The following R3HDM1 variants were observed in gnomAD, a reference collection of about 807,000 sequenced individuals.
R3HDM1 encodes the protein R3H domain containing 1.
Under a neutral mutation model 141.1 loss-of-function variants are expected in R3HDM1, and 46 were observed. That is an observed-to-expected ratio of 0.33 (90% CI 0.26 to 0.42). R3HDM1 has a LOEUF of 0.42. Ranked by LOEUF, R3HDM1 falls within the 10% of genes least tolerant of loss-of-function variation. R3HDM1 has a pLI of 1.00. For synonymous variants in R3HDM1, 435 were observed against 472.9 expected (o/e 0.92, Z 1.04); for missense variants, 1,184 against 1,368.3 (o/e 0.87, Z 2.12).
At chr2:135,680,658 T>C (rs2070126126) in intron 21 of R3HDM1, among the ~76,000 whole-genome samples, 1 of 152,188 alleles carries the variant, frequency 6.6e-6, no homozygotes, top group Non-Finnish European at 1.5e-5. Flanking sequence ...TGATCGCAAC[T>C]GCTCGGGAGG....
intron 19 of R3HDM1, among the ~76,000 whole-genome samples, chr2:135,670,694 A>G (rs1455758453): frequency 6.6e-6 from 1 of 152,130 alleles, no homozygotes; most frequent in Admixed American, 6.5e-5. Context: ...ATTTTTTTCC[A>G]AATTTTCTAC....
intron 1 of R3HDM1, chr2:135,566,709 G>C: frequency 1.0e-6 from 1 of 984,138 alleles, no homozygotes; most frequent in African/African-American, 1.7e-5. Context: ...TTCAGATTAA[G>C]GTTTGTTAGT....
intron 1 of R3HDM1, among the ~76,000 whole-genome samples, chr2:135,583,023 TTCTC>T (rs770142514): frequency 1.3e-5 from 2 of 152,190 alleles, no homozygotes; most frequent in African/African-American, 2.4e-5. Flanking sequence ...CACATTTGCT[TTCTC>T]TCTCTGTGTG....
At chr2:135,695,382 G>A (rs1298263887) in intron 21 of R3HDM1, among the ~76,000 whole-genome samples, 1 of 152,062 alleles carries the variant, frequency 6.6e-6, no homozygotes, top group African/African-American at 2.4e-5. Context: ...AATCAGAGAG[G>A]GAAAATGATT....
intron 3 of R3HDM1, among the ~76,000 whole-genome samples, chr2:135,609,768 C>T (rs1044978712): frequency 2.0e-5 from 3 of 152,010 alleles, no homozygotes; most frequent in East Asian, 3.8e-4. Context: ...TAGCCTGGTG[C>T]GGTGGCACAT....
At chr2:135,629,796 A>G (rs1559289607) in intron 7 of R3HDM1, among the ~76,000 whole-genome samples, 1 of 152,180 alleles carries the variant, frequency 6.6e-6, no homozygotes, top group East Asian at 1.9e-4. Context: ...TAAGAACAGT[A>G]AGAAACCCAT....
chr2:135,642,306 G>A (rs969778549), intron 15 of R3HDM1, among the ~76,000 whole-genome samples: 2 of 152,026 alleles, frequency 1.3e-5, no homozygotes, highest in Non-Finnish European at 2.9e-5. Flanking sequence ...AAAAAATTGG[G>A]GGGAGTCATG....
chr2:135,723,790 A>G, intron 26 of R3HDM1, 147 bp from the exon 27 acceptor site: 1 of 561,786 alleles, frequency 1.8e-6, no homozygotes, highest in South Asian at 2.9e-5. Context: ...AAAAAAAAAA[A>G]AAAAAAAAAA....
intron 21 of R3HDM1, among the ~76,000 whole-genome samples, chr2:135,705,679 G>A (rs1203447839): frequency 3.3e-5 from 5 of 152,050 alleles, no homozygotes; most frequent in African/African-American, 9.7e-5. Context: ...GATAAAGTAA[G>A]TTTCTAACTT....
Position 135,715,703 on chromosome 2 carries a change from A to G in R3HDM1, c.2881+9A>G. ...TTTTGTCCCCGGGCAAGGTAAGTGC[A>G]CATGAAACTAGTCACAACTTCAGAG... On this transcript the variant is annotated intron_variant, in intron 24 of 26. Transcript: ENST00000683871. 1 of 1,607,592 alleles carries G rather than the reference A, an allele frequency of 6.2e-7. No homozygotes were observed.
chr2:135,541,783 G>A lies in R3HDM1; in HGVS notation c.-250+10150G>A, dbSNP rs941929175. 9.3e-5 allele frequency among the ~76,000 whole-genome samples: 14 copies of A among 149,796 alleles called. No homozygotes were observed. The East Asian group carries it at 2.4e-3, about 25-fold the overall frequency. The stretch of plus-strand genomic sequence containing the variant: ...ACTATTACACAGAGACATGAAGTGA[G>A]CACATGTTGGGAAAATGGTACTGAT... On this transcript the variant is annotated intron_variant, in intron 1 of 26. Transcript: ENST00000683871.
At chr2:135,608,968 A>T (rs903197158) in intron 3 of R3HDM1, among the ~76,000 whole-genome samples, 1 of 152,220 alleles carries the variant, frequency 6.6e-6, no homozygotes, top group African/African-American at 2.4e-5. Flanking sequence ...ATTCATTTAT[A>T]TAAAAAAACT....
intron 19 of R3HDM1, among the ~76,000 whole-genome samples, chr2:135,665,013 G>A (rs2067282494): frequency 6.6e-6 from 1 of 152,074 alleles, no homozygotes; most frequent in African/African-American, 2.4e-5. Context: ...ATAATTCTTT[G>A]TGTCTCATGT....
chr2:135,667,288 G>T, intron 19 of R3HDM1: 1 of 876,948 alleles, frequency 1.1e-6, no homozygotes, highest in Non-Finnish European at 1.4e-6. Context: ...TATTGTCCTA[G>T]TTCTCTTAGC....
At chr2:135,592,913 C>T (rs975512279) in intron 1 of R3HDM1, among the ~76,000 whole-genome samples, 17 of 151,766 alleles carry the variant, frequency 1.1e-4, no homozygotes, top group South Asian at 2.1e-4. Flanking sequence ...ACTCTACCTC[C>T]GTGTAGTCTT....
At chr2:135,559,080 TGTGTGTGTGTGTGCATGC>T in intron 1 of R3HDM1, 1 of 955,556 alleles carries the variant, frequency 1.0e-6, no homozygotes, top group Non-Finnish European at 1.2e-6. Flanking sequence ...TGTGTGTGTG[TGTGTGTGTGTGTGCATGC>T]GTGTGTGTGT....
intron 1 of R3HDM1, among the ~76,000 whole-genome samples, chr2:135,572,583 C>T (rs1328251196): frequency 6.6e-6 from 1 of 152,172 alleles, no homozygotes; most frequent in Non-Finnish European, 1.5e-5. Context: ...CTACATTGCT[C>T]TTGGGAATGT....
intron 17 of R3HDM1, 94 bp downstream of exon 17, chr2:135,650,097 A>T (rs1169292480): frequency 2.0e-6 from 2 of 1,022,582 alleles, no homozygotes; most frequent in African/African-American, 1.7e-5. Flanking sequence ...ATCTTTTGTG[A>T]TTTTTTTTGG....
At chr2:135,590,655 A>C (rs943464819) in intron 1 of R3HDM1, 9 of 985,300 alleles carry the variant, frequency 9.1e-6, no homozygotes, top group Non-Finnish European at 1.1e-5. Flanking sequence ...TGCTAGCTCT[A>C]CATGTATAGT....
Sources: gnomAD v4.1 joint callset for allele counts (sites outside exome capture counted in the v4.1 genomes callset) on GRCh38, gnomAD v4.1.1 for gene constraint, MANE v1.5 for transcripts, NCBI Gene and HGNC (gene_info 2026-07-23, HGNC 2026-07-21) for gene names.